Variants in NTM observed in about 807,000 individuals in gnomAD.
NTM encodes the protein IgLON family member 2.
NTM carries 13 observed loss-of-function variants against 42.1 expected under a neutral mutation model. The observed-to-expected ratio is 0.31, with a 90% CI of 0.20 to 0.49. The LOEUF (loss-of-function observed/expected upper bound fraction) is 0.49. NTM is among the 20% of genes least tolerant of loss of function. NTM has a pLI of 0.99. For synonymous variants in NTM, 187 were observed against 179.2 expected (o/e 1.04, Z -0.35); for missense variants, 373 against 452.8 (o/e 0.82, Z 1.60).
chr11:131,516,425 C>G (rs959240131), intron 1 of NTM, among the ~76,000 whole-genome samples: 1 of 152,154 alleles, frequency 6.6e-6, no homozygotes, highest in African/African-American at 2.4e-5. Flanking sequence ...GTTGCCCAGG[C>G]TGGAGAGCAG....
chr11:132,260,892 G>T (rs923568269), intron 4 of NTM, among the ~76,000 whole-genome samples: 1 of 152,140 alleles, frequency 6.6e-6, no homozygotes, highest in Non-Finnish European at 1.5e-5. Flanking sequence ...TAGGCATCTC[G>T]CCTTGTTTTC....
chr11:131,517,900 A>T (rs2136525697), intron 1 of NTM, among the ~76,000 whole-genome samples: 1 of 152,272 alleles, frequency 6.6e-6, no homozygotes, highest in South Asian at 2.1e-4. Flanking sequence ...TCTGGATATC[A>T]GCTTAGCCAT....
chr11:131,915,947 C>A (rs1430015524), intron 2 of NTM, among the ~76,000 whole-genome samples: 2 of 152,330 alleles, frequency 1.3e-5, no homozygotes, highest in East Asian at 1.9e-4. Context: ...GGGACACAGC[C>A]AGACCATATC....
intron 3 of NTM, among the ~76,000 whole-genome samples, chr11:132,196,321 A>G (rs139339416): frequency 3.5e-3 from 526 of 152,316 alleles, no homozygotes; most frequent in African/African-American, 0.012. Flanking sequence ...ATTGTAGAGA[A>G]AAGGGAACAG....
Position 131,644,363 on chromosome 11 carries a change from C to T in NTM, c.83-267201C>T, listed in dbSNP as rs1592341237. Among the ~76,000 whole-genome samples, 4 of 152,302 alleles carry T rather than the reference C, an allele frequency of 2.6e-5. No homozygotes were observed. In the Middle Eastern group the frequency reaches 0.01, roughly 389 times the overall value. ...TCCAGTGGCTGTGGTGGGATGTTGA[C>T]AAGCTGCATTCTAGGACCTGTGACT... On this transcript the variant is annotated intron_variant, in intron 1 of 8. Transcript: ENST00000683400.
intron 2 of NTM, chr11:131,981,558 C>T (rs1027995433): frequency 6.6e-6 from 1 of 152,192 alleles, no homozygotes; most frequent in Non-Finnish European, 1.5e-5. Context: ...TTCCCAGACA[C>T]CTCTGTAGTG....
chr11:132,256,023 C>T (rs1394809850), intron 4 of NTM, among the ~76,000 whole-genome samples: 1 of 152,170 alleles, frequency 6.6e-6, no homozygotes, highest in Non-Finnish European at 1.5e-5. Context: ...TTGAGCTCCT[C>T]CCACCTTCTC....
chr11:132,063,776 C>T (rs1469293064), intron 2 of NTM, among the ~76,000 whole-genome samples: 2 of 152,194 alleles, frequency 1.3e-5, no homozygotes, highest in African/African-American at 4.8e-5. Context: ...GGAGAGGGAA[C>T]ACAATTAGGA....
chr11:131,616,191 C>T (rs1196416558), intron 1 of NTM, among the ~76,000 whole-genome samples: 1 of 152,210 alleles, frequency 6.6e-6, no homozygotes, highest in African/African-American at 2.4e-5. Flanking sequence ...AGATGAAGGA[C>T]AAATTGCATC....
At chr11:131,371,207 A>T in intron 1 of NTM, 1 of 559,388 alleles carries the variant, frequency 1.8e-6, no homozygotes, top group South Asian at 7.7e-5. Flanking sequence ...GCACACATGT[A>T]AGCAGGGGGA....
chr11:131,691,561 C>T (rs550691390), intron 1 of NTM, among the ~76,000 whole-genome samples: 1 of 151,882 alleles, frequency 6.6e-6, no homozygotes, highest in Non-Finnish European at 1.5e-5. Flanking sequence ...CCTGAAAGCC[C>T]CCCCCCGACT....
intron 1 of NTM, among the ~76,000 whole-genome samples, chr11:131,782,008 A>G (rs1554803): frequency 0.38 from 57,901 of 152,066 alleles, 11,669 homozygotes; most frequent in East Asian, 0.57. Flanking sequence ...GAATTCATTA[A>G]TGGTTTATTT....
intron 1 of NTM, among the ~76,000 whole-genome samples, chr11:131,821,380 G>A (rs2093181255): frequency 6.6e-6 from 1 of 152,196 alleles, no homozygotes; most frequent in Non-Finnish European, 1.5e-5. Context: ...AGTACTGTGT[G>A]ATCAGTTACC....
At chr11:132,061,824 T>C (rs920332807) in intron 2 of NTM, among the ~76,000 whole-genome samples, 1 of 152,174 alleles carries the variant, frequency 6.6e-6, no homozygotes, top group African/African-American at 2.4e-5. Context: ...TTTATTATTC[T>C]GTATGTCACC....
intron 1 of NTM, among the ~76,000 whole-genome samples, chr11:131,653,553 C>A (rs1413255121): frequency 6.6e-6 from 1 of 152,262 alleles, no homozygotes. Flanking sequence ...TCTGCCTCTC[C>A]CCTGCCACAG....
At chr11:131,721,128 A>C (rs1333025896) in intron 1 of NTM, among the ~76,000 whole-genome samples, 2 of 98,790 alleles carry the variant, frequency 2.0e-5, no homozygotes, top group African/African-American at 3.5e-5. Context: ...TTATCTCTAC[A>C]AAAAAAAAAA....
rs150772239 is a variant in NTM at position 131,420,727 on chromosome 11, G to C, written c.82+49839G>C. Among the ~76,000 whole-genome samples the C allele has an allele frequency of 5.3e-5, 8 of 152,266 alleles. No individual in the cohort carries two copies. In the East Asian group the frequency reaches 1.5e-3, roughly 29 times the overall value. On this transcript the variant is annotated intron_variant, in intron 1 of 8. Transcript: ENST00000683400. ...TTCAAGGCTTGGGCATCTGGAAGTG[G>C]GTGGGCTCAGGAGACATAACCAAGA...
intron 1 of NTM, among the ~76,000 whole-genome samples, chr11:131,423,316 G>T (rs980062895): frequency 1.3e-5 from 2 of 152,166 alleles, no homozygotes; most frequent in Admixed American, 6.5e-5. Flanking sequence ...GTGTCTGATA[G>T]GGGATTTAAA....
chr11:132,326,289 A>G (rs1369643693), intron 7 of NTM, among the ~76,000 whole-genome samples: 2 of 152,226 alleles, frequency 1.3e-5, no homozygotes, highest in Non-Finnish European at 2.9e-5. Flanking sequence ...AGTTCTGACC[A>G]CTGAGATCTT....
Sources: allele counts gnomAD v4.1 joint callset (sites outside exome capture counted in the v4.1 genomes callset), GRCh38; gene constraint gnomAD v4.1.1; transcripts MANE v1.5; gene names NCBI Gene and HGNC (gene_info 2026-07-23, HGNC 2026-07-21).